Variants in EFR3A observed in about 807,000 individuals in gnomAD.
The protein encoded by EFR3A is protein EFR3 homolog A.
In EFR3A, 76 loss-of-function variants were observed where a neutral mutation model predicts 104.4. That is an observed-to-expected ratio of 0.73 (90% CI 0.60 to 0.88). The LOEUF is 0.88. Among genes scored for constraint, EFR3A ranks in the 40% least tolerant of loss-of-function variants. The pLI, the probability that EFR3A is intolerant of heterozygous loss-of-function variation, is 0.00. For missense variants in EFR3A, 985 were observed against 1,012.5 expected, an observed-to-expected ratio of 0.97 and a Z score of 0.37; for synonymous variants, 330 against 330.0, an observed-to-expected ratio of 1.00 and a Z score of 0.00.
intron 1 of EFR3A, among the ~76,000 whole-genome samples, chr8:131,925,861 T>C (rs1817270558): frequency 6.6e-6 from 1 of 152,140 alleles, no homozygotes; most frequent in Admixed American, 6.6e-5. Context: ...CTCCCAAATT[T>C]TGCTAAGGCC....
At chr8:131,942,281 A>G (rs1054005060) in intron 2 of EFR3A, among the ~76,000 whole-genome samples, 3 of 152,148 alleles carry the variant, frequency 2.0e-5, no homozygotes, top group Non-Finnish European at 4.4e-5. Flanking sequence ...CCTTGAATAT[A>G]TATGGCAAAC....
intron 10 of EFR3A, among the ~76,000 whole-genome samples, chr8:131,972,231 A>C (rs1395130895): frequency 6.7e-6 from 1 of 150,184 alleles, no homozygotes; most frequent in Non-Finnish European, 1.5e-5. Flanking sequence ...GAGCTCCTTC[A>C]AGACATCCCC....
rs144625151 is a variant in EFR3A at position 131,962,272 on chromosome 8, A to C, written c.855+2609A>C. On this transcript the variant is annotated intron_variant, in intron 8 of 22. Transcript: ENST00000254624. Reference sequence around the variant, plus strand: ...TAAAAGTCACAGACTGGCAAATTGGATTAAGAGTCAAGACCCATCAGTGTG... The same window carrying C: ...TAAAAGTCACAGACTGGCAAATTGGCTTAAGAGTCAAGACCCATCAGTGTG... 4.7e-3 allele frequency among the ~76,000 whole-genome samples: 713 copies of C among 152,342 alleles called. 2 individuals carry two copies. Among genetic ancestry groups the C allele is most frequent in the African/African-American group, 0.016 (680 of 41,576 alleles).
At chr8:131,963,920 C>T (rs1202060527) in intron 8 of EFR3A, among the ~76,000 whole-genome samples, 11 of 152,222 alleles carry the variant, frequency 7.2e-5, no homozygotes, top group South Asian at 2.1e-4. Flanking sequence ...GTTCAACATA[C>T]GCAAATCGAT....
At chr8:131,925,057 T>C (rs992549359) in intron 1 of EFR3A, among the ~76,000 whole-genome samples, 1 of 152,122 alleles carries the variant, frequency 6.6e-6, no homozygotes, top group African/African-American at 2.4e-5. Context: ...AACCTTAGTC[T>C]TAGTTCCTTA....
intron 1 of EFR3A, among the ~76,000 whole-genome samples, chr8:131,908,835 T>C (rs898838884): frequency 2.0e-5 from 3 of 152,196 alleles, no homozygotes; most frequent in Admixed American, 1.3e-4. Flanking sequence ...AAAAATTGAA[T>C]CTTTACAAAA....
chr8:131,924,952 C>G (rs1188498245), intron 1 of EFR3A, among the ~76,000 whole-genome samples: 1 of 151,796 alleles, frequency 6.6e-6, no homozygotes, highest in South Asian at 2.1e-4. Flanking sequence ...AGGTTTTTTT[C>G]TTTATCTTCC....
chr8:131,987,296 C>G (rs1324445678), intron 17 of EFR3A, among the ~76,000 whole-genome samples: 1 of 151,868 alleles, frequency 6.6e-6, no homozygotes. Flanking sequence ...TATTACTTAA[C>G]AAGTAAAGAT....
At position 131,948,386 on chromosome 8, in the gene EFR3A, C is replaced by G. The variant is rs1818538232; in HGVS notation, c.367-1583C>G. ...GTGACATGAGTTGATATATATGATG[C>G]TCTTGGAAGAGTGCATGGCACTGTT... is the stretch of plus-strand genomic sequence containing the variant. On this transcript the variant is annotated intron_variant, in intron 4 of 22. Coordinates refer to ENST00000254624, the MANE Select transcript of EFR3A (RefSeq NM_015137.6). 3.3e-5 allele frequency among the ~76,000 whole-genome samples: 5 copies of G among 152,140 alleles called. No individual in the cohort carries two copies. The South Asian group carries it at 1.0e-3, about 31-fold the overall frequency.
At chr8:131,980,478 CCTAA>C (rs1294985160) in intron 14 of EFR3A, among the ~76,000 whole-genome samples, 3 of 151,894 alleles carry the variant, frequency 2.0e-5, no homozygotes, top group Admixed American at 6.6e-5. Flanking sequence ...CTTTATATCA[CCTAA>C]CTAATGAATT....
intron 12 of EFR3A, among the ~76,000 whole-genome samples, chr8:131,978,066 A>G (rs1820412699): frequency 6.6e-6 from 1 of 152,174 alleles, no homozygotes; most frequent in Non-Finnish European, 1.5e-5. Flanking sequence ...TTATAAAACT[A>G]TCTCCATCCT....
In EFR3A at chr8:131,979,375, T is replaced by A; in HGVS notation, c.1529T>A (p.Ile510Lys). Residue 510 changes from isoleucine to lysine, a missense_variant, in exon 14 of 23, where the codon ATA (isoleucine) becomes AAA (lysine). Transcript: ENST00000254624. ...ATACCGGATGTAGCTGACCTAAAGA[T>A]AAAAAGAGAAAAAATTTGCAGACAA... ...RIIPDVADLK[I>K]KREKICRQDT... The A allele has an allele frequency of 6.4e-7, 1 of 1,568,156 alleles. No individual in the cohort carries two copies.
At chr8:131,939,135 C>T (rs1043198640) in intron 1 of EFR3A, among the ~76,000 whole-genome samples, 1 of 152,022 alleles carries the variant, frequency 6.6e-6, no homozygotes, top group Non-Finnish European at 1.5e-5. Flanking sequence ...TAATAGCTAC[C>T]ATTGTATTGA....
At chr8:131,928,602 T>C (rs1199892418) in intron 1 of EFR3A, among the ~76,000 whole-genome samples, 1 of 152,092 alleles carries the variant, frequency 6.6e-6, no homozygotes, top group African/African-American at 2.4e-5. Flanking sequence ...CAGTTTCTCC[T>C]TTTTCCATGT....
At chr8:131,940,951 G>T (rs1818143289) in intron 2 of EFR3A, among the ~76,000 whole-genome samples, 1 of 152,010 alleles carries the variant, frequency 6.6e-6, no homozygotes, top group African/African-American at 2.4e-5. Context: ...CTCTCATTAT[G>T]CACATATATA....
At position 131,934,581 on chromosome 8, in the gene EFR3A, C is replaced by T. The variant is rs1421143677; in HGVS notation, c.11-5918C>T. 2.0e-5 allele frequency among the ~76,000 whole-genome samples: 3 copies of T among 151,930 alleles called. No homozygotes were observed. In the East Asian group the frequency reaches 5.8e-4, roughly 29 times the overall value. The stretch of plus-strand genomic sequence containing the variant: ...AAGTCCTTGTAGTTGTCATTTGAAG[C>T]ATAGTTTGCTAAAATAACACCTATA... On this transcript the variant is annotated intron_variant, in intron 1 of 22. Coordinates refer to ENST00000254624, the MANE Select transcript of EFR3A (RefSeq NM_015137.6).
At chr8:131,956,129 T>A (rs925186001) in intron 7 of EFR3A, among the ~76,000 whole-genome samples, 9 of 152,246 alleles carry the variant, frequency 5.9e-5, no homozygotes, top group African/African-American at 2.2e-4. Context: ...TGTAATAATG[T>A]GTTAATATCA....
At chr8:131,934,323 C>T (rs928174242) in intron 1 of EFR3A, among the ~76,000 whole-genome samples, 1 of 152,072 alleles carries the variant, frequency 6.6e-6, no homozygotes, top group South Asian at 2.1e-4. Flanking sequence ...TCCTGTAGTT[C>T]AGTCTTACTT....
chr8:131,941,397 A>C (rs997589606), intron 2 of EFR3A, among the ~76,000 whole-genome samples: 1 of 152,094 alleles, frequency 6.6e-6, no homozygotes, highest in African/African-American at 2.4e-5. Flanking sequence ...AAAATGTAAC[A>C]AACTGTATAA....
Sources: gnomAD v4.1 joint callset for allele counts (sites outside exome capture counted in the v4.1 genomes callset) on GRCh38, gnomAD v4.1.1 for gene constraint, MANE v1.5 for transcripts, NCBI Gene and HGNC (gene_info 2026-07-23, HGNC 2026-07-21) for gene names.